The following TBL1X variants were observed in gnomAD, a reference collection of about 807,000 sequenced individuals.
The protein encoded by TBL1X is F-box-like/WD repeat-containing protein TBL1X.
TBL1X carries 10 observed loss-of-function variants against 50.7 expected under a neutral mutation model. The observed-to-expected ratio is 0.20, with a 90% CI of 0.12 to 0.33. The LOEUF is 0.33. Ranked by LOEUF, TBL1X falls within the 10% of genes least tolerant of loss-of-function variation. The pLI is 1.00. For synonymous variants in TBL1X, 190 were observed against 214.7 expected (o/e 0.88, Z 1.01); for missense variants, 340 against 504.4 (o/e 0.67, Z 3.12).
chrX:9,669,699 C>G (rs186063632), intron 5 of TBL1X, among the ~76,000 whole-genome samples: 195 of 112,051 alleles, frequency 1.7e-3, no homozygotes, highest in Non-Finnish European at 2.9e-3. Flanking sequence ...CAGACAGCTG[C>G]AAAGGGGTTC....
chrX:9,529,816 G>A (rs1480618108), intron 2 of TBL1X, among the ~76,000 whole-genome samples: 4 of 108,213 alleles, frequency 3.7e-5, no homozygotes, highest in East Asian at 2.9e-4. Context: ...GTATGGTGGC[G>A]CACACCTGTG....
intron 15 of TBL1X, among the ~76,000 whole-genome samples, chrX:9,710,578 T>C (rs1302460591): frequency 1.8e-5 from 2 of 111,990 alleles, no homozygotes; most frequent in Non-Finnish European, 3.8e-5. Flanking sequence ...TCAGCAAGTA[T>C]AAAAGGGGCA....
chrX:9,552,303 TGGG>T (rs1253726239), intron 2 of TBL1X, among the ~76,000 whole-genome samples: 1 of 111,617 alleles, frequency 9.0e-6, no homozygotes, highest in African/African-American at 3.3e-5. Context: ...TGTGTGGTCT[TGGG>T]GGATCATCCA....
rs2238861 is a variant in TBL1X at position 9,578,660 on chromosome X, G to T, written c.-130-61613G>T. Among the ~76,000 whole-genome samples the T allele has an allele frequency of 2.1e-3, 230 of 111,711 alleles. 1 individual carries two copies. The highest frequency in any genetic ancestry group is 0.017 in the Admixed American group (175 of 10,543). On this transcript the variant is annotated intron_variant, in intron 2 of 17. Coordinates refer to ENST00000645353, the MANE Select transcript of TBL1X (RefSeq NM_005647.4). Reference sequence around the variant, plus strand: ...CTGTGGCAGATGCAGGGGTGGCTTTGGCAGAGAGACGGCTCCTGGCATCGT... The same window carrying T: ...CTGTGGCAGATGCAGGGGTGGCTTTTGCAGAGAGACGGCTCCTGGCATCGT...
At chrX:9,668,499 T>A (rs2082943572) in intron 5 of TBL1X, among the ~76,000 whole-genome samples, 1 of 112,531 alleles carries the variant, frequency 8.9e-6, no homozygotes, top group African/African-American at 3.2e-5. Context: ...AGCAATTGAA[T>A]AAGATAAACT....
At chrX:9,619,951 ATC>A (rs1455379946) in intron 2 of TBL1X, among the ~76,000 whole-genome samples, 1 of 112,410 alleles carries the variant, frequency 8.9e-6, no homozygotes. Flanking sequence ...GTTGCCATTT[ATC>A]TTTTTATTGT....
intron 2 of TBL1X, among the ~76,000 whole-genome samples, chrX:9,537,887 G>A (rs1402495191): frequency 2.7e-5 from 3 of 112,457 alleles, no homozygotes; most frequent in Non-Finnish European, 5.6e-5. Context: ...GTTTGGGTGG[G>A]AAGACAGGGG....
chrX:9,691,778 C>T, intron 8 of TBL1X, 67 bp downstream of exon 8: 6 of 1,165,393 alleles, frequency 5.1e-6, no homozygotes, highest in Non-Finnish European at 7.0e-6. Context: ...GCTCGCCCTT[C>T]TCTGGAGTTC....
intron 2 of TBL1X, among the ~76,000 whole-genome samples, chrX:9,580,266 C>T (rs1052591424): frequency 1.8e-5 from 2 of 111,862 alleles, no homozygotes; most frequent in Admixed American, 1.9e-4. Context: ...GAGGTCCTGA[C>T]GATGTGCCCA....
chrX:9,500,110 C>T (rs1381462030), intron 1 of TBL1X, among the ~76,000 whole-genome samples: 1 of 107,711 alleles, frequency 9.3e-6, no homozygotes, highest in African/African-American at 3.4e-5. Flanking sequence ...CATAACAAGA[C>T]CCCATCTCTT....
At chrX:9,631,304 C>G (rs897728741) in intron 2 of TBL1X, among the ~76,000 whole-genome samples, 23 of 111,483 alleles carry the variant, frequency 2.1e-4, no homozygotes, top group African/African-American at 7.5e-4. Flanking sequence ...ACTCTTCACC[C>G]GGCAGTAGCC....
intron 2 of TBL1X, among the ~76,000 whole-genome samples, chrX:9,575,766 A>G (rs2082408494): frequency 8.9e-6 from 1 of 112,154 alleles, no homozygotes; most frequent in South Asian, 3.7e-4. Context: ...TCTGTGTACT[A>G]TATTAAGTTG....
chrX:9,641,739 C>T lies in TBL1X; in HGVS notation c.-43+1379C>T, dbSNP rs186191029. 3.6e-5 allele frequency among the ~76,000 whole-genome samples: 4 copies of T among 112,479 alleles called. 1 individual carries two copies. In the Admixed American group the frequency reaches 3.8e-4, roughly 11 times the overall value. On this transcript the variant is annotated intron_variant, in intron 3 of 17. Coordinates refer to ENST00000645353, the MANE Select transcript of TBL1X (RefSeq NM_005647.4). Reference sequence around the variant, plus strand: ...TTGAATTTTCTGACTGGCTTTTTCACTCAGTATAATGTTTTCAAGGTTCGT... The same window carrying T: ...TTGAATTTTCTGACTGGCTTTTTCATTCAGTATAATGTTTTCAAGGTTCGT...
At chrX:9,571,039 G>A (rs1014432628) in intron 2 of TBL1X, among the ~76,000 whole-genome samples, 1 of 112,150 alleles carries the variant, frequency 8.9e-6, no homozygotes, top group Non-Finnish European at 1.9e-5. Context: ...TATTATATGA[G>A]TCTGCTCAGG....
intron 1 of TBL1X, among the ~76,000 whole-genome samples, chrX:9,482,395 C>T (rs781636244): frequency 3.6e-5 from 4 of 112,046 alleles, no homozygotes; most frequent in Non-Finnish European, 7.5e-5. Flanking sequence ...GCAGTGCCAC[C>T]TCCTGATATG....
At chrX:9,602,085 A>G (rs2082560120) in intron 2 of TBL1X, among the ~76,000 whole-genome samples, 1 of 112,269 alleles carries the variant, frequency 8.9e-6, no homozygotes, top group African/African-American at 3.2e-5. Flanking sequence ...ATCTGTCCGC[A>G]AAAGGTCAAA....
At chrX:9,651,011 CTTTTTTTTTTTTTTTTTTTTT>C (rs572743375) in intron 3 of TBL1X, among the ~76,000 whole-genome samples, 2 of 30,913 alleles carry the variant, frequency 6.5e-5, no homozygotes, top group Non-Finnish European at 1.1e-4. Flanking sequence ...AGCTGCCAGC[CTTTTTTTTTTTTTTTTTTTTT>C]TTTTTTTTTT....
At chrX:9,653,712 C>T (rs375170775) in intron 4 of TBL1X, 23 bp downstream of exon 4, 26 of 1,150,394 alleles carry the variant, frequency 2.3e-5, no homozygotes, top group Non-Finnish European at 2.9e-5. Context: ...CTCATGTGGC[C>T]AGGACCGTGT....
At chrX:9,714,815 C>T (rs749383736) in intron 16 of TBL1X, 87 bp from the exon 17 acceptor site, 6 of 906,661 alleles carry the variant, frequency 6.6e-6, no homozygotes, top group Admixed American at 5.3e-5. Flanking sequence ...CATGACGAAA[C>T]GTCAGGGCCG....
Sources: allele counts gnomAD v4.1 joint callset (sites outside exome capture counted in the v4.1 genomes callset), GRCh38; gene constraint gnomAD v4.1.1; transcripts MANE v1.5; gene names NCBI Gene and HGNC (gene_info 2026-07-23, HGNC 2026-07-21).